ARID3A: variants seen among roughly 807,000 people sequenced by gnomAD.
ARID3A encodes AT-rich interaction domain 3A, also known as AT-rich interactive domain-containing protein 3A.
Under a neutral mutation model 52.7 loss-of-function variants are expected in ARID3A, and 11 were observed. The observed-to-expected ratio is 0.21, with a 90% CI of 0.13 to 0.35. The LOEUF is 0.35. Ranked by LOEUF, ARID3A falls within the 10% of genes least tolerant of loss-of-function variation. The pLI is 1.00. For missense variants in ARID3A, 721 were observed against 838.5 expected, an observed-to-expected ratio of 0.86 and a Z score of 1.73; for synonymous variants, 404 against 359.4, an observed-to-expected ratio of 1.12 and a Z score of -1.40.
chr19:931,959 G>A (rs1235897861), intron 2 of ARID3A, among the ~76,000 whole-genome samples: 1 of 152,074 alleles, frequency 6.6e-6, no homozygotes, highest in African/African-American at 2.4e-5. Flanking sequence ...GGGACAGCAT[G>A]CATGGTGCAG....
chr19:943,266 A>T (rs1022246785), intron 3 of ARID3A, among the ~76,000 whole-genome samples: 1 of 151,588 alleles, frequency 6.6e-6, no homozygotes, highest in East Asian at 1.9e-4. Flanking sequence ...GTGTCAAAAA[A>T]AGAAAAAAAA....
Position 973,104 on chromosome 19 carries a change from A to ATTTTTTTTTTTTTTTTTTTTTTT in ARID3A, c.*1060_*1061insTTTTTTTTTTTTTTTTTTTTTTT, listed in dbSNP as rs56404084. 1,103 of 53,614 alleles carry ATTTTTTTTTTTTTTTTTTTTTTT rather than the reference A, an allele frequency of 0.021. 369 individuals carry two copies. Among genetic ancestry groups the ATTTTTTTTTTTTTTTTTTTTTTT allele is most frequent in the Non-Finnish European group, 0.027 (797 of 29,022 alleles). The allele number at this position is 53,614 out of a possible 1,614,324, so 3.3% of individuals were successfully genotyped here. On this transcript the variant is annotated 3_prime_UTR_variant, in exon 9 of 9. Transcript: ENST00000263620. ...GGGCTCTCGAGTCAGGGGCCTGGAA[A>ATTTTTTTTTTTTTTTTTTTTTTT]TTTTTTTTTTTTTTTTTTTTTGAGA...
chr19:942,983 G>A lies in ARID3A; in HGVS notation c.693+10241G>A, dbSNP rs575703982. Among the ~76,000 whole-genome samples the A allele has an allele frequency of 1.3e-5, 2 of 152,314 alleles. No homozygotes were observed. The highest frequency in any genetic ancestry group is 1.9e-4 in the East Asian group (1 of 5,188). ...GTGGCCCCAAATCCCATGCCGGTCG[G>A]TTGTCCTCTAAGGGGGAGGTCACAC... On this transcript the variant is annotated intron_variant, in intron 3 of 8. Transcript: ENST00000263620. The surrounding 1 kb of genome is among the most constrained non-coding windows in gnomAD (Gnocchi z 8.1).
rs974248652 is a variant in ARID3A, at chr19:960,597, C to T, written c.766+433C>T. Among the ~76,000 whole-genome samples, 1 of 151,994 alleles carries T rather than the reference C, an allele frequency of 6.6e-6. No homozygotes were observed. The highest frequency in any genetic ancestry group is 1.5e-5 in the Non-Finnish European group (1 of 67,970). On this transcript the variant is annotated intron_variant, in intron 4 of 8. Transcript: ENST00000263620. The surrounding 1 kb of genome is among the most constrained non-coding windows in gnomAD (Gnocchi z 4.3). ...AGGACAGAAGCCCCCCGCCCGGCCG[C>T]GAGATGGCTTAGAGTCTAATGATCT...
chr19:940,324 C>T (rs1034718156), intron 3 of ARID3A, among the ~76,000 whole-genome samples: 2 of 151,982 alleles, frequency 1.3e-5, no homozygotes, highest in Admixed American at 6.6e-5. Flanking sequence ...AAACTCTCAT[C>T]GTGCGCTAAG....
Position 932,502 on chromosome 19 carries a change from GGAGGAGGAGGAC to G in ARID3A, c.461_472del (p.Glu154_Glu157del). On this transcript the variant is annotated inframe_deletion, in exon 3 of 9. Coordinates refer to ENST00000263620, the MANE Select transcript of ARID3A (RefSeq NM_005224.3). ...AGGAGGAGGATTACGAGGATGAGGA[GGAGGAGGAGGAC>G]GAGGAGGGGCTGGGCCCCCCAGGCC... 1.3e-6 allele frequency: 2 copies of G among 1,555,594 alleles called. No homozygotes were observed. The highest frequency in any genetic ancestry group is 1.7e-6 in the Non-Finnish European group (2 of 1,156,320).
chr19:965,181 G>T, intron 6 of ARID3A, 101 bp downstream of exon 6: 1 of 1,354,824 alleles, frequency 7.4e-7, no homozygotes, highest in South Asian at 1.5e-5. Context: ...TAACCAGGAT[G>T]AAAAACCCTA....
In ARID3A at chr19:973,908, C is replaced by A. The variant is rs774284817; in HGVS notation, c.*1843C>A. ...AATGCCCAGCAGGGTCTGGGGACTTCGTTGGACCCGCGTGGTGTTGGGCGG... is the reference window on the plus strand; with the variant it reads ...AATGCCCAGCAGGGTCTGGGGACTTAGTTGGACCCGCGTGGTGTTGGGCGG... On this transcript the variant is annotated 3_prime_UTR_variant, in exon 9 of 9. Coordinates refer to ENST00000263620, the MANE Select transcript of ARID3A (RefSeq NM_005224.3). 8.7e-6 allele frequency: 2 copies of A among 230,682 alleles called. No individual in the cohort carries two copies. The highest frequency in any genetic ancestry group is 1.7e-5 in the Non-Finnish European group (2 of 116,514). 14.3% of individuals were successfully genotyped at this position (230,682 alleles called of 1,614,324 possible). A position where few individuals can be genotyped will look rare whatever the true frequency, so the allele number is the denominator to read the frequency against.
intron 4 of ARID3A, among the ~76,000 whole-genome samples, chr19:963,339 G>A (rs1015039535): frequency 1.3e-5 from 2 of 152,242 alleles, no homozygotes; most frequent in Non-Finnish European, 2.9e-5. Flanking sequence ...CACGTAGGCA[G>A]AACATGGGGT....
intron 2 of ARID3A, among the ~76,000 whole-genome samples, chr19:930,731 G>A (rs964302427): frequency 1.7e-4 from 26 of 150,820 alleles, no homozygotes; most frequent in East Asian, 1.0e-3. Flanking sequence ...AGATGGTCTC[G>A]ATCTCCTGAC....
intron 3 of ARID3A, among the ~76,000 whole-genome samples, chr19:934,598 C>A (rs912783989): frequency 1.3e-5 from 2 of 152,174 alleles, no homozygotes. Context: ...GCACCTGCCC[C>A]CTGGGTGTAC....
chr19:973,764 G>T lies in ARID3A; in HGVS notation c.*1699G>T, dbSNP rs375538798. On this transcript the variant is annotated 3_prime_UTR_variant, in exon 9 of 9. Coordinates refer to ENST00000263620, the MANE Select transcript of ARID3A (RefSeq NM_005224.3). The stretch of plus-strand genomic sequence containing the variant: ...TAAATCGAGGCCGAGAAGGGAGGCT[G>T]CCCCCCACCACCCTGTGGGTCAGTA... 1 of 228,612 alleles carries T rather than the reference G, an allele frequency of 4.4e-6. No individual in the cohort carries two copies. Among genetic ancestry groups the T allele is most frequent in the Non-Finnish European group, 8.7e-6 (1 of 115,148 alleles). 14.2% of individuals were successfully genotyped at this position (228,612 alleles called of 1,614,324 possible). A position where few individuals can be genotyped will look rare whatever the true frequency, so the allele number is the denominator to read the frequency against.
chr19:955,561 C>T (rs1360732039), intron 3 of ARID3A, among the ~76,000 whole-genome samples: 2 of 152,204 alleles, frequency 1.3e-5, no homozygotes, highest in African/African-American at 4.8e-5. Context: ...TGCCTGGCGC[C>T]TCGGTTTCCC....
chr19:967,324 TTGGGAGGCTGAAA>T (rs2038181486), intron 7 of ARID3A, among the ~76,000 whole-genome samples: 1 of 152,046 alleles, frequency 6.6e-6, no homozygotes, highest in Non-Finnish European at 1.5e-5. Flanking sequence ...TCCCAGCACT[TTGGGAGGCTGAAA>T]TGGGAGGATT....
At chr19:970,502 T>C (rs925602095) in intron 8 of ARID3A, among the ~76,000 whole-genome samples, 1 of 109,008 alleles carries the variant, frequency 9.2e-6, no homozygotes, top group African/African-American at 3.6e-5. Context: ...GTTTTTCTTT[T>C]TTTTTTTTTT....
chr19:969,266 G>T (rs2038228153), intron 8 of ARID3A, among the ~76,000 whole-genome samples: 1 of 152,140 alleles, frequency 6.6e-6, no homozygotes, highest in Non-Finnish European at 1.5e-5. Context: ...GCTGGGTGCA[G>T]TGGCTCATGG....
Position 968,399 on chromosome 19 carries a change from C to A in ARID3A, c.1496-6C>A. ...AAAAGAAACTAATTTGTTCTTCTTCCCACAGCCTCCGAAAGCCGCCAGGAC... is the reference window on the plus strand; with the variant it reads ...AAAAGAAACTAATTTGTTCTTCTTCACACAGCCTCCGAAAGCCGCCAGGAC... On this transcript the variant is annotated splice_polypyrimidine_tract_variant and splice_region_variant and intron_variant, in intron 7 of 8. Transcript: ENST00000263620. The A allele has an allele frequency of 1.2e-6, 2 of 1,608,644 alleles. No individual in the cohort carries two copies. The highest frequency in any genetic ancestry group is 8.5e-7 in the Non-Finnish European group (1 of 1,177,772).
Position 960,344 on chromosome 19 carries a change from A to T in ARID3A, c.766+180A>T, listed in dbSNP as rs2038014276. On this transcript the variant is annotated intron_variant, in intron 4 of 8. Coordinates refer to ENST00000263620, the MANE Select transcript of ARID3A (RefSeq NM_005224.3). The surrounding 1 kb of genome is among the most constrained non-coding windows in gnomAD (Gnocchi z 4.3). ...TGGGGGGAAACACATCCTGCCATGG[A>T]GGTTTGACGCGGGAGGCACGCCTGT... 6.6e-6 allele frequency among the ~76,000 whole-genome samples: 1 copy of T among 151,782 alleles called. No individual in the cohort carries two copies.
chr19:928,521 C>T (rs2037248134), intron 1 of ARID3A: 1 of 152,076 alleles, frequency 6.6e-6, no homozygotes, highest in African/African-American at 2.4e-5. Context: ...GTGGGAGGCT[C>T]TGTGGTCACC....
Sources: gnomAD v4.1 joint callset for allele counts (sites outside exome capture counted in the v4.1 genomes callset) on GRCh38, gnomAD v4.1.1 for gene constraint, Gnocchi (gnomAD v3.1) non-coding constraint, MANE v1.5 for transcripts, NCBI Gene and HGNC (gene_info 2026-07-23, HGNC 2026-07-21) for gene names.